Variants in PDE10A observed in about 807,000 individuals in gnomAD.
PDE10A encodes the protein cAMP and cAMP-inhibited cGMP 3',5'-cyclic phosphodiesterase 10A.
A neutral mutation model predicts 97.7 loss-of-function variants in PDE10A; 39 were observed. That is an observed-to-expected ratio of 0.40 (90% confidence interval 0.31 to 0.52). The LOEUF (loss-of-function observed/expected upper bound fraction) is 0.52, where lower values mean the gene tolerates loss of function less well. PDE10A is among the 20% of genes least tolerant of loss of function. The probability of loss-of-function intolerance (pLI) is 0.56; values close to 1 mark genes in which losing one functional copy is unlikely to be tolerated. For missense variants in PDE10A, 731 were observed against 1,047.8 expected, an observed-to-expected ratio of 0.70 and a Z score of 4.17; for synonymous variants, 371 against 376.8, an observed-to-expected ratio of 0.98 and a Z score of 0.18.
At chr6:165,538,640 C>T (rs1783241322) in intron 2 of PDE10A, among the ~76,000 whole-genome samples, 1 of 152,090 alleles carries the variant, frequency 6.6e-6, no homozygotes, top group Non-Finnish European at 1.5e-5. Context: ...TGTCAACTCA[C>T]AATTTTTTAC....
chr6:165,384,324 T>C (rs951674926), intron 17 of PDE10A, among the ~76,000 whole-genome samples: 2 of 151,508 alleles, frequency 1.3e-5, no homozygotes, highest in African/African-American at 4.9e-5. Context: ...GGGACTTTCC[T>C]GTCTGCTAAA....
At chr6:165,694,718 C>T (rs780225127) in intron 1 of PDE10A, among the ~76,000 whole-genome samples, 1 of 152,156 alleles carries the variant, frequency 6.6e-6, no homozygotes, top group Non-Finnish European at 1.5e-5. Flanking sequence ...AAAAATTCAC[C>T]CAGTAGCTTT....
intron 1 of PDE10A, among the ~76,000 whole-genome samples, chr6:165,882,463 G>C (rs1301049233): frequency 6.6e-6 from 1 of 152,158 alleles, no homozygotes; most frequent in Non-Finnish European, 1.5e-5. Context: ...AAAGGATCTA[G>C]ACCTCAGGTA....
chr6:165,622,923 T>C (rs1216524816), intron 1 of PDE10A, among the ~76,000 whole-genome samples: 3 of 152,120 alleles, frequency 2.0e-5, no homozygotes, highest in African/African-American at 7.2e-5. Context: ...TAGTGAGTTC[T>C]AGTGAGATCT....
chr6:165,712,730 C>T (rs991009344), intron 1 of PDE10A, among the ~76,000 whole-genome samples: 4 of 146,968 alleles, frequency 2.7e-5, no homozygotes, highest in South Asian at 2.2e-4. Context: ...AGCTCTGCCT[C>T]CCGGGTTCAC....
At chr6:165,614,938 G>A (rs142301658) in intron 1 of PDE10A, among the ~76,000 whole-genome samples, 2,403 of 152,148 alleles carry the variant, frequency 0.016, 28 homozygotes, top group Middle Eastern at 0.044. Flanking sequence ...TAGGCCAGGC[G>A]CAGTGGCTCA....
intron 1 of PDE10A, among the ~76,000 whole-genome samples, chr6:165,699,848 T>C (rs943082930): frequency 6.6e-6 from 1 of 152,070 alleles, no homozygotes; most frequent in Non-Finnish European, 1.5e-5. Flanking sequence ...AAAGGGAAAT[T>C]TACAGCTGTA....
At chr6:165,875,318 G>A (rs564160844) in intron 1 of PDE10A, among the ~76,000 whole-genome samples, 38 of 152,272 alleles carry the variant, frequency 2.5e-4, no homozygotes, top group Middle Eastern at 3.4e-3. Context: ...GAAATGCCAT[G>A]GAAACTCATG....
At chr6:165,622,165 C>A (rs1226227127) in intron 1 of PDE10A, among the ~76,000 whole-genome samples, 1 of 152,160 alleles carries the variant, frequency 6.6e-6, no homozygotes, top group African/African-American at 2.4e-5. Flanking sequence ...ACGGCTGCAG[C>A]ACAGCTCTTA....
At chr6:165,827,541 C>T (rs1183816288) in intron 1 of PDE10A, among the ~76,000 whole-genome samples, 1 of 152,226 alleles carries the variant, frequency 6.6e-6, no homozygotes, top group Non-Finnish European at 1.5e-5. Context: ...CAGAAACACA[C>T]CTTACGTGGT....
At chr6:165,679,552 C>G (rs1234062545) in intron 1 of PDE10A, among the ~76,000 whole-genome samples, 2 of 152,196 alleles carry the variant, frequency 1.3e-5, no homozygotes, top group Admixed American at 6.5e-5. Flanking sequence ...GTCAGGCGTG[C>G]CTGGCCCCAC....
chr6:165,746,082 T>C (rs1169420149), intron 1 of PDE10A, among the ~76,000 whole-genome samples: 2 of 152,352 alleles, frequency 1.3e-5, no homozygotes, highest in East Asian at 1.9e-4. Flanking sequence ...GTGCATTTTG[T>C]TGGGCCCTGC....
intron 1 of PDE10A, among the ~76,000 whole-genome samples, chr6:165,581,859 G>C (rs1190470466): frequency 6.6e-6 from 1 of 152,210 alleles, no homozygotes; most frequent in African/African-American, 2.4e-5. Flanking sequence ...CAGTTGTTCT[G>C]AGAGGAACAT....
intron 3 of PDE10A, among the ~76,000 whole-genome samples, chr6:165,479,503 G>A (rs989479570): frequency 2.0e-5 from 3 of 151,998 alleles, no homozygotes; most frequent in African/African-American, 7.3e-5. Context: ...AACCTCTCCT[G>A]ACCACTGCAT....
At chr6:165,798,214 C>T (rs1778879396) in intron 1 of PDE10A, among the ~76,000 whole-genome samples, 1 of 152,130 alleles carries the variant, frequency 6.6e-6, no homozygotes, top group Non-Finnish European at 1.5e-5. Context: ...TAAATACATA[C>T]GAAAGTTCCT....
intron 18 of PDE10A, among the ~76,000 whole-genome samples, chr6:165,358,793 T>A (rs993108047): frequency 6.6e-6 from 1 of 151,982 alleles, no homozygotes; most frequent in Non-Finnish European, 1.5e-5. Flanking sequence ...AATGTACTTT[T>A]ACTATTCAAT....
intron 1 of PDE10A, among the ~76,000 whole-genome samples, chr6:165,572,349 GATA>G (rs750067203): frequency 2.6e-5 from 4 of 152,100 alleles, no homozygotes; most frequent in Non-Finnish European, 5.9e-5. Flanking sequence ...GAAAAATGGA[GATA>G]ATAATAATCT....
intron 2 of PDE10A, among the ~76,000 whole-genome samples, chr6:165,506,128 GT>G (rs1007682882): frequency 2.6e-5 from 4 of 151,680 alleles, no homozygotes; most frequent in Non-Finnish European, 5.9e-5. Context: ...ACTTTTGTTG[GT>G]TTTTTTCCCC....
chr6:165,986,765 G>T (rs957272224), intron 1 of PDE10A, among the ~76,000 whole-genome samples: 1 of 151,200 alleles, frequency 6.6e-6, no homozygotes, highest in African/African-American at 2.4e-5. Flanking sequence ...TTATGGTTGG[G>T]CTTGGCTTGG....
Sources: gnomAD v4.1 joint callset for allele counts (sites outside exome capture counted in the v4.1 genomes callset) on GRCh38, gnomAD v4.1.1 for gene constraint, MANE v1.5 for transcripts, NCBI Gene and HGNC (gene_info 2026-07-23, HGNC 2026-07-21) for gene names.